PVT1: variants seen among roughly 807,000 people sequenced by gnomAD.
PVT1 encodes CXCR4/PVT1 fusion.
At chr8:128,078,138 A>G (rs961248402) in intron 5 of PVT1, among the ~76,000 whole-genome samples, 1 of 152,174 alleles carries the variant, frequency 6.6e-6, no homozygotes, top group Non-Finnish European at 1.5e-5. Context: ...ACGATTAGAA[A>G]TGTCACACGT....
intron 2 of PVT1, among the ~76,000 whole-genome samples, chr8:127,876,021 A>G (rs923028837): frequency 1.3e-5 from 2 of 151,984 alleles, no homozygotes; most frequent in African/African-American, 4.8e-5. Context: ...GCAAAGAGGC[A>G]CCCTCCACCC....
intron 4 of PVT1, among the ~76,000 whole-genome samples, chr8:128,047,364 G>T (rs1427777942): frequency 6.6e-6 from 1 of 152,220 alleles, no homozygotes; most frequent in African/African-American, 2.4e-5. Context: ...GCAGGGATAA[G>T]AGGAGTGGTT....
At position 128,003,066 on chromosome 8, in the gene PVT1, C is replaced by T. The variant is rs1055879403; in HGVS notation, n.912+13775C>T. 2.1e-5 allele frequency among the ~76,000 whole-genome samples: 3 copies of T among 145,938 alleles called. No homozygotes were observed. The East Asian group carries it at 6.3e-4, about 31-fold the overall frequency. ...AGGCTGGAGTGCAGTGGTGCAATCT[C>T]GGCTTGCTGCAACCTCCATCTCCCA... On this transcript the variant is annotated intron_variant and non_coding_transcript_variant, in intron 4 of 10. Coordinates refer to ENST00000651587, the Ensembl canonical transcript of PVT1.
intron 4 of PVT1, among the ~76,000 whole-genome samples, chr8:128,043,245 C>T (rs1264809313): frequency 6.6e-6 from 1 of 152,108 alleles, no homozygotes; most frequent in East Asian, 1.9e-4. Flanking sequence ...TGGATGTAGG[C>T]AATAACTTCA....
At chr8:127,875,838 A>G (rs1023535393) in intron 2 of PVT1, among the ~76,000 whole-genome samples, 1 of 152,216 alleles carries the variant, frequency 6.6e-6, no homozygotes, top group Non-Finnish European at 1.5e-5. Context: ...GGAGCTCAGT[A>G]AGGGCAGGTC....
At chr8:127,967,493 G>A (rs1407436386) in intron 3 of PVT1, among the ~76,000 whole-genome samples, 1 of 152,372 alleles carries the variant, frequency 6.6e-6, no homozygotes, top group East Asian at 1.9e-4. Context: ...AGCAAGTGGT[G>A]TGTTCATCTG....
At chr8:128,047,795 C>T (rs922870599) in intron 4 of PVT1, among the ~76,000 whole-genome samples, 1 of 152,206 alleles carries the variant, frequency 6.6e-6, no homozygotes, top group South Asian at 2.1e-4. Flanking sequence ...AGATGATGCA[C>T]CTGTTAATTA....
intron 3 of PVT1, among the ~76,000 whole-genome samples, chr8:127,928,201 C>T (rs781387524): frequency 8.5e-5 from 13 of 152,336 alleles, no homozygotes; most frequent in Middle Eastern, 3.4e-3. Flanking sequence ...TAGGGTTCCT[C>T]ATCTTCTACC....
chr8:127,969,081 A>T (rs546467185), intron 3 of PVT1, among the ~76,000 whole-genome samples: 1 of 152,322 alleles, frequency 6.6e-6, no homozygotes, highest in East Asian at 1.9e-4. Context: ...TACAGAAGGG[A>T]ATCTCATCCT....
intron 3 of PVT1, among the ~76,000 whole-genome samples, chr8:127,962,556 TCTC>T (rs1203164283): frequency 6.6e-6 from 1 of 152,108 alleles, no homozygotes; most frequent in Non-Finnish European, 1.5e-5. Context: ...GCCTGGGTGT[TCTC>T]ACACCCAGGT....
At chr8:127,801,518 G>A (rs1814465077) in intron 2 of PVT1, among the ~76,000 whole-genome samples, 1 of 152,214 alleles carries the variant, frequency 6.6e-6, no homozygotes, top group South Asian at 2.1e-4. Context: ...TGGGATTACA[G>A]GTGTGAACCA....
chr8:127,962,503 T>C (rs1350145197), intron 3 of PVT1, among the ~76,000 whole-genome samples: 6 of 152,336 alleles, frequency 3.9e-5, no homozygotes, highest in Non-Finnish European at 8.8e-5. Context: ...CCTTATTTTG[T>C]AGATGACAGG....
chr8:127,800,381 G>GT (rs1339659656), intron 2 of PVT1, among the ~76,000 whole-genome samples: 1 of 152,172 alleles, frequency 6.6e-6, no homozygotes, highest in East Asian at 1.9e-4. Flanking sequence ...ATGTCACACA[G>GT]TAGTGGGGCA....
At chr8:128,041,304 C>T (rs371166045) in intron 4 of PVT1, among the ~76,000 whole-genome samples, 1,127 of 85,968 alleles carry the variant, frequency 0.013, 11 homozygotes, top group African/African-American at 0.037. Flanking sequence ...TTGTGTTGTG[C>T]TCATGTTTGT....
chr8:128,017,922 T>C (rs16902554), intron 4 of PVT1, among the ~76,000 whole-genome samples: 2,482 of 152,272 alleles, frequency 0.016, 66 homozygotes, highest in African/African-American at 0.056. Flanking sequence ...CAGGATCAGA[T>C]GGAATGCCAG....
intron 4 of PVT1, among the ~76,000 whole-genome samples, chr8:128,004,930 T>C (rs1808507): frequency 0.84 from 127,096 of 151,838 alleles, 53,346 homozygotes; most frequent in East Asian, 0.89. Flanking sequence ...CACTTGAGGT[T>C]GGGAGTTCAA....
chr8:127,799,467 T>G (rs1293634490), intron 2 of PVT1, among the ~76,000 whole-genome samples: 3 of 151,996 alleles, frequency 2.0e-5, no homozygotes, highest in Non-Finnish European at 4.4e-5. Flanking sequence ...AGATACACAG[T>G]CAACAGTCAT....
intron 2 of PVT1, among the ~76,000 whole-genome samples, chr8:127,803,971 G>T (rs1407296938): frequency 2.6e-5 from 4 of 152,076 alleles, no homozygotes; most frequent in African/African-American, 9.6e-5. Context: ...TGCCTGCCTC[G>T]GCCTCCCAAA....
chr8:128,020,652 C>T (rs1817422180), intron 4 of PVT1, among the ~76,000 whole-genome samples: 1 of 152,236 alleles, frequency 6.6e-6, no homozygotes, highest in Non-Finnish European at 1.5e-5. Flanking sequence ...ACCTTGAATT[C>T]AGCTTCATGA....
Sources: allele counts gnomAD v4.1 joint callset (sites outside exome capture counted in the v4.1 genomes callset), GRCh38; gene constraint gnomAD v4.1.1; transcripts MANE v1.5; gene names NCBI Gene and HGNC (gene_info 2026-07-23, HGNC 2026-07-21).